Variants in LRMDA observed in about 807,000 individuals in gnomAD.
LRMDA encodes the protein leucine-rich melanocyte differentiation-associated protein.
Under a neutral mutation model 29.8 loss-of-function variants are expected in LRMDA, and 18 were observed. The ratio of observed to expected loss-of-function variants is 0.60; its 90% CI spans 0.42 to 0.90. LRMDA has a LOEUF of 0.90. Ranked by LOEUF, LRMDA falls within the 40% of genes least tolerant of loss-of-function variation. The pLI, the probability that LRMDA is intolerant of heterozygous loss-of-function variation, is 0.00. For synonymous variants in LRMDA, 125 were observed against 109.4 expected (o/e 1.14, Z -0.89); for missense variants, 273 against 273.9 (o/e 1.00, Z 0.02).
rs932825584 is a variant in LRMDA, at chr10:76,479,759, G to A, written c.602-77450G>A. On this transcript the variant is annotated intron_variant, in intron 6 of 6. Transcript: ENST00000611255. ...GTACCTAAAAAGAGTATGACGGGTCGAAGGCGACTGAACATTTAGTTCCTC... is the reference window on the plus strand; with the variant it reads ...GTACCTAAAAAGAGTATGACGGGTCAAAGGCGACTGAACATTTAGTTCCTC... Among the ~76,000 whole-genome samples, 9 of 151,828 alleles carry A rather than the reference G, an allele frequency of 5.9e-5. No homozygotes were observed. In the South Asian group the frequency reaches 6.2e-4, roughly 11 times the overall value.
chr10:75,671,453 G>T (rs955612633), intron 2 of LRMDA, among the ~76,000 whole-genome samples: 1 of 152,222 alleles, frequency 6.6e-6, no homozygotes, highest in East Asian at 1.9e-4. Flanking sequence ...CACCTATGCA[G>T]CCATAAAAAA....
At position 76,058,702 on chromosome 10, in the gene LRMDA, T is replaced by C; in HGVS notation, c.435T>C (p.Phe145=). The change falls in exon 5 of 7, where the codon TTT becomes TTC. Residue 145 remains phenylalanine (F), a synonymous_variant. Transcript: ENST00000611255. ...TGTACAAGCTGCCCAACTTGAAATT[T>C]CTGGATGCCCAGAAAGTAACCAGAC... The part of the protein sequence containing the change: ...FVLYKLPNLK[F]LDAQKVTRQE... 1 of 1,614,122 alleles carries C rather than the reference T, an allele frequency of 6.2e-7. No homozygotes were observed. Among genetic ancestry groups the C allele is most frequent in the Non-Finnish European group, 8.5e-7 (1 of 1,179,994 alleles).
chr10:75,513,043 T>A (rs1242321778), intron 2 of LRMDA, among the ~76,000 whole-genome samples: 1 of 152,192 alleles, frequency 6.6e-6, no homozygotes, highest in Non-Finnish European at 1.5e-5. Context: ...CAGAATTGTT[T>A]AACTGGAAAA....
At chr10:75,522,056 G>A (rs538242569) in intron 2 of LRMDA, among the ~76,000 whole-genome samples, 1 of 152,290 alleles carries the variant, frequency 6.6e-6, no homozygotes, top group Admixed American at 6.5e-5. Flanking sequence ...GTTTTACTGG[G>A]CAGCAGTGGT....
chr10:75,697,850 T>TGTGTGTGTGTGTGCGCAC (rs10664076), intron 2 of LRMDA, among the ~76,000 whole-genome samples: 2 of 151,586 alleles, frequency 1.3e-5, no homozygotes, highest in South Asian at 2.1e-4. Flanking sequence ...TGTGTGTGTG[T>TGTGTGTGTGTGTGCGCAC]GCGTGTGTGT....
intron 2 of LRMDA, among the ~76,000 whole-genome samples, chr10:75,961,765 A>C (rs1255471991): frequency 6.6e-6 from 1 of 152,204 alleles, no homozygotes; most frequent in East Asian, 1.9e-4. Context: ...AACCATAACA[A>C]AGTACTGCAC....
At chr10:75,844,556 A>G (rs569622760) in intron 2 of LRMDA, among the ~76,000 whole-genome samples, 104 of 152,212 alleles carry the variant, frequency 6.8e-4, no homozygotes, top group Non-Finnish European at 1.2e-3. Context: ...GATGACTCCA[A>G]TTTTCTCGAA....
chr10:75,664,544 A>G (rs1841796756), intron 2 of LRMDA, among the ~76,000 whole-genome samples: 4 of 152,144 alleles, frequency 2.6e-5, no homozygotes, highest in African/African-American at 9.7e-5. Context: ...TCAGGAGGGA[A>G]GGGGTTTAGG....
chr10:75,503,130 C>A (rs1589162587), intron 2 of LRMDA, among the ~76,000 whole-genome samples: 1 of 151,776 alleles, frequency 6.6e-6, no homozygotes, highest in East Asian at 1.9e-4. Flanking sequence ...GGACTGCATT[C>A]TCTAGGGAAT....
chr10:75,577,034 G>A (rs570966829), intron 2 of LRMDA, among the ~76,000 whole-genome samples: 3 of 152,302 alleles, frequency 2.0e-5, no homozygotes, highest in South Asian at 4.1e-4. Flanking sequence ...GATGGAGAAT[G>A]AGTTTGATGA....
At chr10:76,049,843 T>G (rs1848500487) in intron 4 of LRMDA, among the ~76,000 whole-genome samples, 1 of 152,200 alleles carries the variant, frequency 6.6e-6, no homozygotes, top group South Asian at 2.1e-4. Flanking sequence ...AGCCTAATAG[T>G]AGAGCCTCTA....
intron 5 of LRMDA, among the ~76,000 whole-genome samples, chr10:76,246,923 G>A (rs928034611): frequency 1.3e-5 from 2 of 152,212 alleles, no homozygotes; most frequent in African/African-American, 2.4e-5. Context: ...GCCAGGTCAG[G>A]TCTTGGAGAG....
intron 2 of LRMDA, among the ~76,000 whole-genome samples, chr10:75,737,218 A>C (rs1390348034): frequency 6.6e-6 from 1 of 152,212 alleles, no homozygotes; most frequent in Non-Finnish European, 1.5e-5. Context: ...TGAGGCGATA[A>C]GCTCTTCTTT....
In LRMDA at chr10:76,340,084, A is replaced by C. The variant is rs980841706; in HGVS notation, c.601+15599A>C. ...TAAGACTTAGTAATGCATTTAAAAAATAGTACTTCCTGACCAAGTAGGGTT... is the reference window on the plus strand; with the variant it reads ...TAAGACTTAGTAATGCATTTAAAAACTAGTACTTCCTGACCAAGTAGGGTT... On this transcript the variant is annotated intron_variant, in intron 6 of 6. Coordinates refer to ENST00000611255, the MANE Select transcript of LRMDA (RefSeq NM_001305581.2). Among the ~76,000 whole-genome samples the C allele has an allele frequency of 2.6e-5, 4 of 152,322 alleles. No individual in the cohort carries two copies. The South Asian group carries it at 8.3e-4, about 32-fold the overall frequency.
intron 5 of LRMDA, among the ~76,000 whole-genome samples, chr10:76,196,495 T>C (rs1851332907): frequency 6.6e-6 from 1 of 152,210 alleles, no homozygotes; most frequent in African/African-American, 2.4e-5. Context: ...AGTCCAAATC[T>C]GCTCCTTCTG....
chr10:76,546,746 C>T (rs1389566388), intron 6 of LRMDA, among the ~76,000 whole-genome samples: 1 of 151,968 alleles, frequency 6.6e-6, no homozygotes, highest in African/African-American at 2.4e-5. Context: ...AATGCCATTC[C>T]CTAGAATGTT....
At chr10:76,273,799 G>C (rs934315946) in intron 5 of LRMDA, among the ~76,000 whole-genome samples, 4 of 152,250 alleles carry the variant, frequency 2.6e-5, no homozygotes, top group Non-Finnish European at 5.9e-5. Context: ...TGAATGAAAA[G>C]GGCATTAACT....
chr10:75,859,313 C>G (rs1589231482), intron 2 of LRMDA, among the ~76,000 whole-genome samples: 1 of 152,246 alleles, frequency 6.6e-6, no homozygotes, highest in East Asian at 1.9e-4. Context: ...TGATTTTTAT[C>G]AGTACTCACC....
intron 2 of LRMDA, among the ~76,000 whole-genome samples, chr10:75,750,624 C>T (rs1169157311): frequency 7.0e-6 from 1 of 142,306 alleles, no homozygotes; most frequent in East Asian, 2.3e-4. Context: ...AGAGGCGCTC[C>T]TCACATCCCA....
Sources: gnomAD v4.1 joint callset for allele counts (sites outside exome capture counted in the v4.1 genomes callset) on GRCh38, gnomAD v4.1.1 for gene constraint, MANE v1.5 for transcripts, NCBI Gene and HGNC (gene_info 2026-07-23, HGNC 2026-07-21) for gene names.